TPO: variants seen among roughly 807,000 people sequenced by gnomAD.
TPO encodes the protein thyroid peroxidase.
Under a neutral mutation model 96.9 loss-of-function variants are expected in TPO, and 78 were observed. The observed-to-expected ratio is 0.81, with a 90% CI of 0.67 to 0.97. The LOEUF (loss-of-function observed/expected upper bound fraction) is 0.97, where lower values mean the gene tolerates loss of function less well. Among genes scored for constraint, TPO ranks in the 50% least tolerant of loss-of-function variants. The pLI is 0.00. For synonymous variants in TPO, 547 were observed against 538.0 expected (o/e 1.02, Z -0.23); for missense variants, 1,252 against 1,274.8 (o/e 0.98, Z 0.27).
chr2:1,472,219 C>A (rs1293732093), intron 7 of TPO, among the ~76,000 whole-genome samples: 1 of 151,846 alleles, frequency 6.6e-6, no homozygotes, highest in Non-Finnish European at 1.5e-5. Context: ...CTCCTGTGTT[C>A]TGAATGCTTA....
chr2:1,457,875 TCGGG>T (rs1472924155), intron 7 of TPO, among the ~76,000 whole-genome samples: 14 of 152,034 alleles, frequency 9.2e-5, no homozygotes, highest in Admixed American at 1.3e-4. Flanking sequence ...ATATATGATC[TCGGG>T]TGGGCACGTG....
rs1248793437 is a variant in TPO at position 1,504,082 on chromosome 2, G to A, written c.2518+3G>A. On this transcript the variant is annotated splice_donor_region_variant and intron_variant, in intron 14 of 16. Transcript: ENST00000329066. ...AGACGATGGGAGAACCTGCGTAGGTGAGGCTGTTCCCCTCTCTCTCTGTCC... is the reference window on the plus strand; with the variant it reads ...AGACGATGGGAGAACCTGCGTAGGTAAGGCTGTTCCCCTCTCTCTCTGTCC... The A allele has an allele frequency of 1.2e-6, 2 of 1,614,080 alleles. No individual in the cohort carries two copies. The highest frequency in any genetic ancestry group is 1.1e-5 in the South Asian group (1 of 91,088).
At chr2:1,384,688 T>C (rs1392481300) in intron 1 of TPO, among the ~76,000 whole-genome samples, 4 of 152,148 alleles carry the variant, frequency 2.6e-5, no homozygotes, top group African/African-American at 9.7e-5. Context: ...CTTTTCCTAA[T>C]TGAATACCCT....
At chr2:1,397,175 C>A (rs1002049266) in intron 1 of TPO, among the ~76,000 whole-genome samples, 1 of 152,184 alleles carries the variant, frequency 6.6e-6, no homozygotes, top group East Asian at 1.9e-4. Context: ...TTAGAGTTCA[C>A]ATACAGGAGC....
intron 2 of TPO, among the ~76,000 whole-genome samples, chr2:1,419,264 G>GA (rs925043717): frequency 1.7e-4 from 26 of 151,978 alleles, no homozygotes; most frequent in African/African-American, 5.8e-4. Context: ...GTTCAGTTCT[G>GA]AAAAAAAACT....
At chr2:1,378,131 C>T (rs1661751258) in intron 1 of TPO, among the ~76,000 whole-genome samples, 1 of 152,198 alleles carries the variant, frequency 6.6e-6, no homozygotes, top group Non-Finnish European at 1.5e-5. Flanking sequence ...GTGAGGTCTC[C>T]CCTGCCATGT....
intron 10 of TPO, among the ~76,000 whole-genome samples, chr2:1,490,646 T>G (rs1461538933): frequency 6.6e-6 from 1 of 152,144 alleles, no homozygotes; most frequent in East Asian, 1.9e-4. Context: ...CACAGACAGT[T>G]TAGGCAACTT....
At chr2:1,400,448 A>G (rs1170500439) in intron 1 of TPO, among the ~76,000 whole-genome samples, 2 of 149,380 alleles carry the variant, frequency 1.3e-5, no homozygotes, top group Admixed American at 1.3e-4. Flanking sequence ...AGCTGAGATC[A>G]CACCATTGTA....
At chr2:1,494,235 C>G (rs28991271) in intron 11 of TPO, among the ~76,000 whole-genome samples, 196 bp downstream of exon 11, 1,899 of 152,318 alleles carry the variant, frequency 0.012, 45 homozygotes, top group African/African-American at 0.044. Context: ...GAAGCAACTA[C>G]GAAGCACGTA....
At chr2:1,537,526 CGCCTATCCCCCCCAG>C (rs1680076234) in intron 15 of TPO, among the ~76,000 whole-genome samples, 1 of 75,648 alleles carries the variant, frequency 1.3e-5, no homozygotes, top group East Asian at 3.4e-4. Context: ...GTGCAACCTC[CGCCTATCCCCCCCAG>C]TGTGCAACCT....
chr2:1,448,613 C>G (rs1466340651), intron 5 of TPO, among the ~76,000 whole-genome samples: 1 of 152,224 alleles, frequency 6.6e-6, no homozygotes, highest in Non-Finnish European at 1.5e-5. Flanking sequence ...GACCTCTTGG[C>G]TCCTGGCCAT....
intron 15 of TPO, among the ~76,000 whole-genome samples, chr2:1,535,424 G>A (rs1456134515): frequency 7.2e-5 from 5 of 69,502 alleles, no homozygotes; most frequent in African/African-American, 1.1e-4. Context: ...CCTACTGTGT[G>A]CAACCTCCCC....
At chr2:1,389,497 T>C (rs1432011793) in intron 1 of TPO, among the ~76,000 whole-genome samples, 1 of 152,108 alleles carries the variant, frequency 6.6e-6, no homozygotes, top group Admixed American at 6.6e-5. Context: ...ATGGGAAAAA[T>C]AACACTACTT....
chr2:1,381,675 A>G (rs1661812860), intron 1 of TPO, among the ~76,000 whole-genome samples: 1 of 152,186 alleles, frequency 6.6e-6, no homozygotes, highest in Non-Finnish European at 1.5e-5. Context: ...ACAGTGTGAC[A>G]ATTTCTTCTT....
intron 3 of TPO, among the ~76,000 whole-genome samples, chr2:1,425,692 C>T (rs1038174296): frequency 2.6e-5 from 4 of 152,102 alleles, no homozygotes; most frequent in African/African-American, 9.7e-5. Context: ...TGCTGGGATA[C>T]AGAGATGAGT....
chr2:1,542,082 A>C (rs571186722), intron 16 of TPO: 13 of 403,998 alleles, frequency 3.2e-5, no homozygotes, highest in African/African-American at 2.6e-4. Flanking sequence ...TCTGACTGAC[A>C]CCAGGGGCAA....
chr2:1,477,001 G>C (rs941902219), intron 7 of TPO, 85 bp from the exon 8 acceptor site: 1 of 1,489,910 alleles, frequency 6.7e-7, no homozygotes, highest in East Asian at 2.4e-5. Context: ...CGGCGCTGCG[G>C]GGTCGTCGCC....
chr2:1,453,881 A>G, intron 6 of TPO, 58 bp downstream of exon 6: 1 of 1,611,930 alleles, frequency 6.2e-7, no homozygotes, highest in African/African-American at 1.3e-5. Context: ...ATGCTGAGGG[A>G]GGGAAATAGC....
chr2:1,376,237 A>G (rs1038941576), intron 1 of TPO, among the ~76,000 whole-genome samples: 3 of 152,194 alleles, frequency 2.0e-5, no homozygotes, highest in African/African-American at 7.2e-5. Context: ...TCTCGCTCTG[A>G]AACTGAGACT....
Sources: gnomAD v4.1 joint callset for allele counts (sites outside exome capture counted in the v4.1 genomes callset) on GRCh38, gnomAD v4.1.1 for gene constraint, MANE v1.5 for transcripts, NCBI Gene and HGNC (gene_info 2026-07-23, HGNC 2026-07-21) for gene names.